The following DNAH1 variants were observed in gnomAD, a reference collection of about 807,000 sequenced individuals.
The protein encoded by DNAH1 is dynein axonemal heavy chain 1.
In DNAH1, 327 loss-of-function variants were observed where a neutral mutation model predicts 484.3. That is an observed-to-expected ratio of 0.68 (90% CI 0.62 to 0.74). The LOEUF (loss-of-function observed/expected upper bound fraction) is 0.74, where lower values mean the gene tolerates loss of function less well. Among genes scored for constraint, DNAH1 ranks in the 30% least tolerant of loss-of-function variants. DNAH1 has a pLI of 0.00. For synonymous variants in DNAH1, 2,192 were observed against 2,191.9 expected, an observed-to-expected ratio of 1.00 and a Z score of 0.00; for missense variants, 5,052 against 5,546.8, an observed-to-expected ratio of 0.91 and a Z score of 2.83.
At chr3:52,349,504 T>G in intron 14 of DNAH1, 84 bp downstream of exon 14, 2 of 1,326,372 alleles carry the variant, frequency 1.5e-6, no homozygotes, top group Non-Finnish European at 2.1e-6. Context: ...CATGGCAAGA[T>G]GTCCCCAAGC....
chr3:52,388,969 C>A, intron 59 of DNAH1, 32 bp downstream of exon 59: 1 of 1,551,596 alleles, frequency 6.4e-7, no homozygotes, highest in Non-Finnish European at 8.7e-7. Flanking sequence ...CTCTGACCAG[C>A]CTCGCCTTCC....
At chr3:52,378,812 C>CCA in intron 47 of DNAH1, 32 bp downstream of exon 47, 1 of 1,611,850 alleles carries the variant, frequency 6.2e-7, no homozygotes, top group Non-Finnish European at 8.5e-7. Flanking sequence ...TCCCCAGTGC[C>CCA]CACACTGCTC....
In DNAH1 at chr3:52,364,713, A is replaced by G. The variant is rs767629218; in HGVS notation, c.5320A>G (p.Ser1774Gly). The stretch of plus-strand genomic sequence containing the variant: ...TGGGAACCTCAAGCGAGAAAACCCC[A>G]GCATGAATGAGGTGAGCTCCACCCA... ...AAGNLKRENP[S>G]MNEELICLRA... Residue 1774 changes from serine to glycine, a missense_variant, in exon 33 of 78, where the codon AGC becomes GGC. By Grantham distance (56) the Ser-to-Gly change is moderately conservative. Coordinates refer to ENST00000420323, the MANE Select transcript of DNAH1 (RefSeq NM_015512.5). The surrounding 1 kb of genome is among the most constrained non-coding windows in gnomAD (Gnocchi z 4.2). The G allele has an allele frequency of 1.9e-6, 3 of 1,613,404 alleles. No individual in the cohort carries two copies. The South Asian group carries it at 3.3e-5, about 18-fold the overall frequency.
intron 60 of DNAH1, 120 bp downstream of exon 60, chr3:52,389,706 C>A: frequency 8.7e-7 from 1 of 1,149,778 alleles, no homozygotes; most frequent in Non-Finnish European, 1.1e-6. Flanking sequence ...GCTGCCTCTG[C>A]TGAACCCTCC....
chr3:52,312,002 A>C (rs1700783401), upstream of DNAH1, among the ~76,000 whole-genome samples: 1 of 152,138 alleles, frequency 6.6e-6, no homozygotes, highest in South Asian at 2.1e-4. Context: ...TTCCCAGCCC[A>C]AGCTCCCTCC....
In DNAH1 at chr3:52,363,053, C is replaced by T. The variant is rs1223247628; in HGVS notation, c.5153C>T (p.Ser1718Phe). The T allele has an allele frequency of 1.2e-6, 2 of 1,614,002 alleles. No homozygotes were observed. Among genetic ancestry groups the T allele is most frequent in the Admixed American group, 1.7e-5 (1 of 60,022 alleles). Residue 1718 changes from serine (S) to phenylalanine (F), a missense_variant, in exon 32 of 78, where the codon TCC becomes TTC. By Grantham distance (155) the Ser-to-Phe change is radical. This residue lies in a region of DNAH1 where 2,929 missense variants were observed against 3,409.4 expected (regional missense o/e 0.86). Transcript: ENST00000420323. ...GATTACGCCATGATCACTGAGATCT[C>T]CCTCTATTCCTTTGGCTTTAATGAG... Reference protein sequence around the residue: ...VPDYAMITEISLYSFGFNEAS... With the variant: ...VPDYAMITEIFLYSFGFNEAS...
chr3:52,323,070 C>A lies in DNAH1; in HGVS notation c.333+295C>A, dbSNP rs13064343. On this transcript the variant is annotated intron_variant, in intron 2 of 77. Coordinates refer to ENST00000420323, the MANE Select transcript of DNAH1 (RefSeq NM_015512.5). ...TGCAGCAGGGATGAGACGCCCACGT[C>A]CCTATTGTCATTGTTGTGGGGCAGT... Among the ~76,000 whole-genome samples the A allele has an allele frequency of 1.7e-3, 253 of 152,290 alleles. 1 individual carries two copies. Among genetic ancestry groups the A allele is most frequent in the Admixed American group, 3.5e-3 (54 of 15,304 alleles).
At position 52,322,695 on chromosome 3, in the gene DNAH1, A is replaced by G. The variant is rs1218007739; in HGVS notation, c.253A>G (p.Thr85Ala). Residue 85 changes from threonine to alanine, a missense_variant, in exon 2 of 78, where the codon ACT becomes GCT. Coordinates refer to ENST00000420323, the MANE Select transcript of DNAH1 (RefSeq NM_015512.5). ...GQPRKSPLTGTDKKYPLMKQR... is the reference protein window; with the variant it reads ...GQPRKSPLTGADKKYPLMKQR... ...GCCACGGAAGTCACCCCTGACAGGCACTGATAAGAAGTACCCGCTGATGAA... is the reference window on the plus strand; with the variant it reads ...GCCACGGAAGTCACCCCTGACAGGCGCTGATAAGAAGTACCCGCTGATGAA... 2 of 1,613,764 alleles carry G rather than the reference A, an allele frequency of 1.2e-6. No individual in the cohort carries two copies.
chr3:52,397,778 C>T lies in DNAH1; in HGVS notation c.11859C>T (p.Ala3953=), dbSNP rs1559577270. ...MPEIFGLHDN[A]NITFAQNETF... is the part of the protein sequence containing the mutation. ...AGATCTTTGGCCTGCATGACAATGC[C>T]AACATCACCTTTGCCCAGAACGAGA... is the stretch of plus-strand genomic sequence containing the variant. Residue 3953 remains alanine (A), a synonymous_variant, in exon 74 of 78, where the codon GCC becomes GCT. Coordinates refer to ENST00000420323, the MANE Select transcript of DNAH1 (RefSeq NM_015512.5). The T allele has an allele frequency of 3.7e-6, 6 of 1,613,836 alleles. No individual in the cohort carries two copies. Among genetic ancestry groups the T allele is most frequent in the Non-Finnish European group, 5.1e-6 (6 of 1,179,786 alleles).
intron 44 of DNAH1, among the ~76,000 whole-genome samples, chr3:52,373,317 CGGGGG>C (rs1703435443): frequency 2.0e-5 from 1 of 49,086 alleles, no homozygotes; most frequent in Non-Finnish European, 3.8e-5. Flanking sequence ...GTGGTGGCCG[CGGGGG>C]CGCGACGGCG....
chr3:52,396,322 C>T, intron 70 of DNAH1, 46 bp from the exon 71 acceptor site: 2 of 1,532,708 alleles, frequency 1.3e-6, no homozygotes, highest in Non-Finnish European at 1.8e-6. Context: ...GTCAGGGTGG[C>T]CACCAGATAT....
Position 52,386,644 on chromosome 3 carries a change from T to C in DNAH1, c.8812-18T>C, listed in dbSNP as rs955723730. The stretch of plus-strand genomic sequence containing the variant: ...CCACTGGGTCTGAGTCTTCCCCACT[T>C]GGTGGCTGGGCCTGCAGGTACGTGC... On this transcript the variant is annotated intron_variant, in intron 55 of 77. Transcript: ENST00000420323. The C allele has an allele frequency of 3.2e-6, 5 of 1,546,604 alleles. No individual in the cohort carries two copies. Among genetic ancestry groups the C allele is most frequent in the Admixed American group, 4.0e-5 (2 of 50,378 alleles).
rs368437663 is a variant in DNAH1 at position 52,370,128 on chromosome 3, C to T, written c.6157C>T (p.Arg2053Trp). The change falls in exon 39 of 78, where the codon CGG becomes TGG. Residue 2053 changes from arginine to tryptophan, a missense_variant. Physicochemically the swap from Arg to Trp is moderately radical, Grantham distance 101. Around this residue, in one of 4 missense-constraint regions of DNAH1, gnomAD observed 2,929 missense variants for 3,409.4 expected, o/e 0.86. Transcript: ENST00000420323. The stretch of plus-strand genomic sequence containing the variant: ...CCTGCAGGAATCCATCTCCTTCGTT[C>T]GGTCCTCAGTGAAGGAGGTGATCGC... ...SFLEESISFV[R>W]SSVKEVIAST... is the part of the protein sequence containing the mutation. The T allele has an allele frequency of 1.1e-5, 17 of 1,613,872 alleles. No individual in the cohort carries two copies. The highest frequency in any genetic ancestry group is 3.3e-5 in the Admixed American group (2 of 60,000).
rs748843812 is a variant in DNAH1 at position 52,370,589 on chromosome 3, G to A, written c.6371G>A (p.Arg2124His). The A allele has an allele frequency of 4.8e-5, 77 of 1,612,874 alleles. 1 individual carries two copies. The South Asian group carries it at 6.2e-4, about 13-fold the overall frequency. Residue 2124 changes from arginine to histidine, a missense_variant, in exon 40 of 78, where the codon CGC becomes CAC. Arg to His is a conservative substitution (Grantham distance 29). Transcript: ENST00000420323. The part of the protein sequence containing the change: ...SVGATGDSSG[R>H]TSFSHWLRLK... Reference sequence around the variant, plus strand: ...GGTGCCACTGGGGACAGCAGTGGCCGCACCAGTTTCAGCCACTGGCTAAGG... The same window carrying A: ...GGTGCCACTGGGGACAGCAGTGGCCACACCAGTTTCAGCCACTGGCTAAGG...
chr3:52,388,316 G>A lies in DNAH1; in HGVS notation c.9153G>A (p.Lys3051=), dbSNP rs757737456. 1.2e-6 allele frequency: 2 copies of A among 1,602,746 alleles called. No homozygotes were observed. The highest frequency in any genetic ancestry group is 1.7e-6 in the Non-Finnish European group (2 of 1,174,796). Reference sequence around the variant, plus strand: ...TGCACAAGTACCACTTTGTGGCCAAGGCCGTGGAGCCCAAGCGGGTGAGGG... The same window carrying A: ...TGCACAAGTACCACTTTGTGGCCAAAGCCGTGGAGCCCAAGCGGGTGAGGG... ...RAMHKYHFVA[K]AVEPKRQALL... The change falls in exon 57 of 78, where the codon AAG becomes AAA. Residue 3051 remains lysine (K), a synonymous_variant. Transcript: ENST00000420323.
In DNAH1 at chr3:52,388,284, C is replaced by T. The variant is rs61731638; in HGVS notation, c.9121C>T (p.Arg3041Cys). The T allele has an allele frequency of 3.6e-3, 5,731 of 1,601,154 alleles. 174 individuals carry two copies. The African/African-American group carries it at 0.066, about 19-fold the overall frequency. ...KACTSICQWV[R>C]AMHKYHFVAK... ...TTGCACCTCCATCTGCCAGTGGGTG[C>T]GCGCCATGCACAAGTACCACTTTGT... The change falls in exon 57 of 78, where the codon CGC becomes TGC. Residue 3041 changes from arginine to cysteine, a missense_variant. This residue lies in a region of DNAH1 where 2,929 missense variants were observed against 3,409.4 expected (regional missense o/e 0.86). Transcript: ENST00000420323.
rs770638269 is a variant in DNAH1, at chr3:52,368,769, C to T, written c.5794C>T (p.Arg1932Trp). 15 of 1,613,916 alleles carry T rather than the reference C, an allele frequency of 9.3e-6. No homozygotes were observed. The highest frequency in any genetic ancestry group is 1.3e-5 in the Non-Finnish European group (15 of 1,179,888). Residue 1932 changes from arginine to tryptophan, a missense_variant, in exon 37 of 78, where the codon CGG becomes TGG. Transcript: ENST00000420323. This position sits in a 1 kb window ranked among gnomAD's most constrained non-coding sequence, Gnocchi z 4.4. ...WTDGIFSSFI[R>W]AGAITSDTNK... ...AGACGGGATATTCTCCTCGTTCATC[C>T]GGGCGGGGGCCATCACCTCCGACAC...
chr3:52,375,192 A>G lies in DNAH1; in HGVS notation c.6986-48A>G, dbSNP rs758067814. The G allele has an allele frequency of 1.9e-6, 3 of 1,545,678 alleles. No homozygotes were observed. In the Admixed American group the frequency reaches 5.8e-5, roughly 30 times the overall value. Reference sequence around the variant, plus strand: ...ATGGAGAAGGGGCCACAAAGGTCATAATGCAGCCCTGGCCAGGGCCCTTCC... The same window carrying G: ...ATGGAGAAGGGGCCACAAAGGTCATGATGCAGCCCTGGCCAGGGCCCTTCC... On this transcript the variant is annotated intron_variant, in intron 44 of 77. Coordinates refer to ENST00000420323, the MANE Select transcript of DNAH1 (RefSeq NM_015512.5).
In DNAH1 at chr3:52,396,767, C is replaced by T. The variant is rs756435181; in HGVS notation, c.11580C>T (p.Phe3860=). 1.9e-6 allele frequency: 3 copies of T among 1,613,682 alleles called. No homozygotes were observed. The highest frequency in any genetic ancestry group is 2.5e-6 in the Non-Finnish European group (3 of 1,179,824). ...LRICISQLKM[F]LDEYDDIPYK... ...TCTGCATCAGCCAGCTCAAGATGTT[C>T]CTGGACGAATATGATGACATCCCCT... Residue 3860 remains phenylalanine, a synonymous_variant, in exon 72 of 78, where the codon TTC becomes TTT. Transcript: ENST00000420323.
Sources: gnomAD v4.1 joint callset for allele counts (sites outside exome capture counted in the v4.1 genomes callset) on GRCh38, gnomAD v4.1.1 for gene constraint, gnomAD v4.1.1 regional missense constraint, Gnocchi (gnomAD v3.1) non-coding constraint, MANE v1.5 for transcripts, NCBI Gene and HGNC (gene_info 2026-07-23, HGNC 2026-07-21) for gene names.